KCNK13: variants seen among roughly 807,000 people sequenced by gnomAD.
The protein encoded by KCNK13 is potassium two pore domain channel subfamily K member 13, also known as potassium channel subfamily K member 13.
A neutral mutation model predicts 23.4 loss-of-function variants in KCNK13; 12 were observed. The observed-to-expected ratio is 0.51, with a 90% CI of 0.33 to 0.83. The LOEUF (loss-of-function observed/expected upper bound fraction) is 0.83. Among genes scored for constraint, KCNK13 ranks in the 40% least tolerant of loss-of-function variants. The probability of loss-of-function intolerance (pLI) is 0.02; values close to 1 mark genes in which losing one functional copy is unlikely to be tolerated. For missense variants in KCNK13, 463 were observed against 556.3 expected (o/e 0.83, Z 1.69); for synonymous variants, 231 against 229.5 (o/e 1.01, Z -0.06).
intron 1 of KCNK13, among the ~76,000 whole-genome samples, chr14:90,176,834 A>G (rs1158173138): frequency 6.6e-6 from 1 of 152,072 alleles, no homozygotes; most frequent in Admixed American, 6.6e-5. Flanking sequence ...ATCCTGGCCA[A>G]CGTGGTGAAA....
chr14:90,064,528 C>T lies in KCNK13; in HGVS notation c.334+1989C>T, dbSNP rs148592380. Among the ~76,000 whole-genome samples, 467 of 152,280 alleles carry T rather than the reference C, an allele frequency of 3.1e-3. 4 individuals are homozygous for T. The highest frequency in any genetic ancestry group is 0.011 in the African/African-American group (450 of 41,550). ...GAGTCTGGAGTGGGAGCTTTTCATC[C>T]TGCCTCTGTATCTTGGGCAAGCCTC... On this transcript the variant is annotated intron_variant, in intron 1 of 1. Transcript: ENST00000282146.
chr14:90,150,367 G>A (rs1003405405), intron 1 of KCNK13, among the ~76,000 whole-genome samples: 3 of 152,214 alleles, frequency 2.0e-5, no homozygotes, highest in East Asian at 1.9e-4. Flanking sequence ...GTAATCCAGC[G>A]TTTGGGGAGG....
At chr14:90,101,472 G>A (rs1316083914) in intron 1 of KCNK13, among the ~76,000 whole-genome samples, 1 of 151,900 alleles carries the variant, frequency 6.6e-6, no homozygotes, top group Admixed American at 6.6e-5. Context: ...TTGGGTTCAG[G>A]GTATGCTGCT....
rs535417201 is a variant in KCNK13 at position 90,079,425 on chromosome 14, T to C, written c.334+16886T>C. Among the ~76,000 whole-genome samples the C allele has an allele frequency of 2.5e-4, 38 of 152,312 alleles. 1 individual carries two copies. The highest frequency in any genetic ancestry group is 1.7e-3 in the Admixed American group (26 of 15,310). The stretch of plus-strand genomic sequence containing the variant: ...ATTACACCTTAGAATTTGGCCCACC[T>C]TGAGGCAAAGGAACTGGGTTTTTAT... On this transcript the variant is annotated intron_variant, in intron 1 of 1. Transcript: ENST00000282146.
At chr14:90,183,299 A>T (rs918100669) in intron 1 of KCNK13, among the ~76,000 whole-genome samples, 1 of 152,158 alleles carries the variant, frequency 6.6e-6, no homozygotes, top group Non-Finnish European at 1.5e-5. Context: ...TGTTTAAAAG[A>T]TGGGTAGATC....
At chr14:90,145,223 T>C (rs1890059706) in intron 1 of KCNK13, among the ~76,000 whole-genome samples, 1 of 151,844 alleles carries the variant, frequency 6.6e-6, no homozygotes, top group Admixed American at 6.6e-5. Flanking sequence ...GCCTGGGCAA[T>C]ATGGCAAAAA....
chr14:90,073,764 G>A (rs1889104288), intron 1 of KCNK13, among the ~76,000 whole-genome samples: 1 of 151,254 alleles, frequency 6.6e-6, no homozygotes, highest in African/African-American at 2.4e-5. Context: ...TCTGTCTCCC[G>A]GGTTCAAGCA....
intron 1 of KCNK13, among the ~76,000 whole-genome samples, chr14:90,139,716 C>G (rs536589053): frequency 1.5e-4 from 23 of 152,288 alleles, no homozygotes; most frequent in African/African-American, 5.3e-4. Flanking sequence ...AATCCCAGCA[C>G]TTTGGGAGGC....
chr14:90,105,091 G>A (rs1889528834), intron 1 of KCNK13, among the ~76,000 whole-genome samples: 1 of 151,880 alleles, frequency 6.6e-6, no homozygotes, highest in African/African-American at 2.4e-5. Flanking sequence ...GCCAGGATCA[G>A]CTACTTTCCA....
In KCNK13 at chr14:90,155,360, G is replaced by A. The variant is rs758884865; in HGVS notation, c.335-28751G>A. On this transcript the variant is annotated intron_variant, in intron 1 of 1. Transcript: ENST00000282146. ...GAGAAGAATTTAGAGGTAGGATTGG[G>A]GAGGGGAAGATTGGGGCAGCTTTGT... Among the ~76,000 whole-genome samples the A allele has an allele frequency of 1.1e-4, 17 of 152,284 alleles. No individual in the cohort carries two copies. The South Asian group carries it at 1.7e-3, about 15-fold the overall frequency.
chr14:90,115,878 A>C (rs1340375407), intron 1 of KCNK13, among the ~76,000 whole-genome samples: 1 of 152,220 alleles, frequency 6.6e-6, no homozygotes. Flanking sequence ...ATTTTCAATC[A>C]GCCAGGATTA....
intron 1 of KCNK13, among the ~76,000 whole-genome samples, chr14:90,081,958 C>A (rs1479149858): frequency 2.6e-5 from 4 of 152,154 alleles, no homozygotes; most frequent in Non-Finnish European, 5.9e-5. Context: ...TTTTCCTTTC[C>A]ATTTCTCCAC....
intron 1 of KCNK13, among the ~76,000 whole-genome samples, chr14:90,154,482 C>T (rs537547884): frequency 3.9e-5 from 6 of 152,328 alleles, no homozygotes; most frequent in African/African-American, 1.4e-4. Flanking sequence ...ACCCACAATG[C>T]TTGCTCTCTT....
chr14:90,173,902 A>G (rs907452251), intron 1 of KCNK13, among the ~76,000 whole-genome samples: 1 of 152,230 alleles, frequency 6.6e-6, no homozygotes, highest in African/African-American at 2.4e-5. Context: ...ACAGTTCTGC[A>G]TGGCTGAGAA....
At chr14:90,117,609 T>C (rs1889692045) in intron 1 of KCNK13, among the ~76,000 whole-genome samples, 1 of 152,062 alleles carries the variant, frequency 6.6e-6, no homozygotes, top group Non-Finnish European at 1.5e-5. Context: ...AAATTAGGAA[T>C]TGTTTATTTC....
At chr14:90,094,350 C>T (rs920558437) in intron 1 of KCNK13, among the ~76,000 whole-genome samples, 7 of 152,288 alleles carry the variant, frequency 4.6e-5, no homozygotes, top group Non-Finnish European at 1.0e-4. Context: ...AGTGTTTGCT[C>T]AATTGAATTT....
At chr14:90,074,862 T>C (rs184329691) in intron 1 of KCNK13, among the ~76,000 whole-genome samples, 2 of 152,336 alleles carry the variant, frequency 1.3e-5, no homozygotes, top group Admixed American at 6.5e-5. Context: ...ATTATAATCG[T>C]ATTGCCTTTA....
chr14:90,086,643 T>TG (rs1044057899), intron 1 of KCNK13, among the ~76,000 whole-genome samples: 6 of 152,166 alleles, frequency 3.9e-5, no homozygotes, highest in African/African-American at 1.4e-4. Context: ...GGAAGACGTC[T>TG]GGGGGTCCCA....
intron 1 of KCNK13, among the ~76,000 whole-genome samples, chr14:90,087,748 G>A (rs988061447): frequency 6.6e-6 from 1 of 152,134 alleles, no homozygotes; most frequent in Non-Finnish European, 1.5e-5. Flanking sequence ...GGGGGAAGAA[G>A]CAAGCATTTG....
Sources: allele counts gnomAD v4.1 joint callset (sites outside exome capture counted in the v4.1 genomes callset), GRCh38; gene constraint gnomAD v4.1.1; transcripts MANE v1.5; gene names NCBI Gene and HGNC (gene_info 2026-07-23, HGNC 2026-07-21).